The following GOLGB1 variants were observed in gnomAD, a reference collection of about 807,000 sequenced individuals.
The protein encoded by GOLGB1 is golgin B1.
GOLGB1 carries 174 observed loss-of-function variants against 336.9 expected under a neutral mutation model. That is an observed-to-expected ratio of 0.52 (90% CI 0.46 to 0.59). The LOEUF (loss-of-function observed/expected upper bound fraction) is 0.59. Among genes scored for constraint, GOLGB1 ranks in the 20% least tolerant of loss-of-function variants. GOLGB1 has a pLI of 0.00. For missense variants in GOLGB1, 3,331 were observed against 3,645.3 expected (o/e 0.91, Z 2.22); for synonymous variants, 1,208 against 1,289.2 (o/e 0.94, Z 1.35).
intron 15 of GOLGB1, 151 bp from the exon 16 acceptor site, chr3:121,677,601 G>A (rs1012627512): frequency 1.7e-6 from 1 of 585,660 alleles, no homozygotes; most frequent in Non-Finnish European, 3.0e-6. Flanking sequence ...TGGAAAGAGA[G>A]AAAATGTGGG....
intron 3 of GOLGB1, among the ~76,000 whole-genome samples, chr3:121,729,577 ATTTTTTTTAAATTTTTTTTT>A (rs1216783035): frequency 6.6e-6 from 1 of 151,688 alleles, no homozygotes; most frequent in African/African-American, 2.4e-5. Flanking sequence ...TGCCCAGCTA[ATTTTTTTTAAATTTTTTTTT>A]GTGGAGACAG....
intron 1 of GOLGB1, among the ~76,000 whole-genome samples, chr3:121,735,419 A>C (rs1946408136): frequency 6.6e-6 from 1 of 152,218 alleles, no homozygotes; most frequent in Non-Finnish European, 1.5e-5. Flanking sequence ...AGAAACAAAA[A>C]TGGTGTTTTG....
In GOLGB1 at chr3:121,696,752, G is replaced by A. The variant is rs1271987443; in HGVS notation, c.3771C>T (p.Asp1257=). ...ESIDGKLPST[D]QQESCSSTPG... Reference sequence around the variant, plus strand: ...GAGTGGAAGAACACGATTCCTGCTGGTCTGTGCTTGGGAGTTTTCCGTCTA... The same window carrying A: ...GAGTGGAAGAACACGATTCCTGCTGATCTGTGCTTGGGAGTTTTCCGTCTA... Residue 1257 remains aspartate (D), a synonymous_variant, in exon 13 of 22, where the codon GAC becomes GAT. Transcript: ENST00000614479. 4 of 1,613,950 alleles carry A rather than the reference G, an allele frequency of 2.5e-6. No homozygotes were observed. Among genetic ancestry groups the A allele is most frequent in the Non-Finnish European group, 3.4e-6 (4 of 1,179,968 alleles).
rs547801884 is a variant in GOLGB1, at chr3:121,692,256, C to A, written c.7108G>T (p.Ala2370Ser). 3 of 1,606,222 alleles carry A rather than the reference C, an allele frequency of 1.9e-6. No homozygotes were observed. Among genetic ancestry groups the A allele is most frequent in the Non-Finnish European group, 1.7e-6 (2 of 1,177,888 alleles). ...AGCCTACTGGTCAGTTCTCTGGAGG[C>A]CTGAAGATCAGTCTCCAGTTGTTCA... is the stretch of plus-strand genomic sequence containing the variant. ...SYEQLETDLQ[A>S]SRELTSRLHE... Residue 2370 changes from alanine to serine, a missense_variant, in exon 14 of 22, where the codon GCC (alanine) becomes TCC (serine). Ala to Ser is a moderately conservative substitution (Grantham distance 99, BLOSUM62 1). Coordinates refer to ENST00000614479, the MANE Select transcript of GOLGB1 (RefSeq NM_001366282.2).
chr3:121,677,193 G>A, intron 16 of GOLGB1, 92 bp downstream of exon 16: 1 of 1,225,462 alleles, frequency 8.2e-7, no homozygotes, highest in Non-Finnish European at 1.2e-6. Context: ...TGCTTTCTGG[G>A]TAGCGTCTTA....
Position 121,691,345 on chromosome 3 carries a change from T to C in GOLGB1, c.8019A>G (p.Glu2673=). ...CAATTTCACCTACCTTCTTGGCAGC[T>C]TCCTTTTGAACACAAACCAATTCTT... ...LEEELVCVQK[E]AAKKVGEIED... is the part of the protein sequence containing the mutation. Residue 2673 remains glutamate, a synonymous_variant, in exon 14 of 22, where the codon GAA becomes GAG. Coordinates refer to ENST00000614479, the MANE Select transcript of GOLGB1 (RefSeq NM_001366282.2). 1 of 1,612,008 alleles carries C rather than the reference T, an allele frequency of 6.2e-7. No homozygotes were observed. The highest frequency in any genetic ancestry group is 8.5e-7 in the Non-Finnish European group (1 of 1,179,574).
intron 1 of GOLGB1, among the ~76,000 whole-genome samples, chr3:121,742,023 C>A (rs925272000): frequency 3.3e-5 from 5 of 151,980 alleles, no homozygotes; most frequent in African/African-American, 1.2e-4. Context: ...AGAATTACAG[C>A]ACACTGGGCC....
intron 1 of GOLGB1, among the ~76,000 whole-genome samples, chr3:121,742,252 C>T (rs1051886702): frequency 1.4e-4 from 21 of 152,188 alleles, no homozygotes; most frequent in Non-Finnish European, 2.6e-4. Context: ...CAGCATGGTA[C>T]TGGTACCAAA....
In GOLGB1 at chr3:121,687,250, A is replaced by C. The variant is rs544136532; in HGVS notation, c.8694+3420T>G. Among the ~76,000 whole-genome samples, 3 of 152,324 alleles carry C rather than the reference A, an allele frequency of 2.0e-5. No homozygotes were observed. The South Asian group carries it at 6.2e-4, about 32-fold the overall frequency. On this transcript the variant is annotated intron_variant, in intron 14 of 21. Transcript: ENST00000614479. ...GCACTCCAGCCTGGGTGAGAGAGCA[A>C]GACTCCATCTCAAAAAACAAACAAA...
chr3:121,667,711 C>T (rs1016907580), intron 19 of GOLGB1, 101 bp from the exon 20 acceptor site: 1 of 1,029,446 alleles, frequency 9.7e-7, no homozygotes, highest in African/African-American at 1.6e-5. Flanking sequence ...CAAGAAAATC[C>T]ATAGAAGCTT....
intron 20 of GOLGB1, among the ~76,000 whole-genome samples, chr3:121,666,727 T>C (rs1055216337): frequency 2.0e-5 from 3 of 152,196 alleles, no homozygotes; most frequent in African/African-American, 7.2e-5. Context: ...TAGGTGGCTT[T>C]CTCCCAAAAT....
At chr3:121,726,820 T>A in intron 5 of GOLGB1, 93 bp downstream of exon 5, 1 of 858,558 alleles carries the variant, frequency 1.2e-6, no homozygotes, top group Non-Finnish European at 1.8e-6. Context: ...TAAATGCCCA[T>A]TGTGCATCTA....
chr3:121,689,424 T>C (rs1267120197), intron 14 of GOLGB1, among the ~76,000 whole-genome samples: 2 of 151,602 alleles, frequency 1.3e-5, no homozygotes, highest in Admixed American at 1.3e-4. Flanking sequence ...GTGCAAGATG[T>C]GCTTTGTTAA....
chr3:121,682,079 CT>C (rs1226694727), intron 14 of GOLGB1, among the ~76,000 whole-genome samples: 1 of 152,218 alleles, frequency 6.6e-6, no homozygotes, highest in Admixed American at 6.5e-5. Context: ...GCCATCAAGG[CT>C]ACAGGGTGTG....
In GOLGB1 at chr3:121,744,432, C is replaced by T. The variant is rs564763411; in HGVS notation, c.-3+5200G>A. Among the ~76,000 whole-genome samples the T allele has an allele frequency of 7.1e-5, 8 of 112,396 alleles. No homozygotes were observed. The South Asian group carries it at 2.3e-3, about 33-fold the overall frequency. 73.7% of individuals were successfully genotyped at this position (112,396 alleles called of 152,430 possible). ...GACCAGCCTGAGCAACATAGTGAGACTGTCTCTACAAAAAAAAAAAAAAAA... is the reference window on the plus strand; with the variant it reads ...GACCAGCCTGAGCAACATAGTGAGATTGTCTCTACAAAAAAAAAAAAAAAA... On this transcript the variant is annotated intron_variant, in intron 1 of 21. Coordinates refer to ENST00000614479, the MANE Select transcript of GOLGB1 (RefSeq NM_001366282.2).
At chr3:121,730,255 A>G (rs1018787066) in intron 2 of GOLGB1, 15 of 351,304 alleles carry the variant, frequency 4.3e-5, no homozygotes, top group Admixed American at 8.6e-5. Context: ...TAATTTTACC[A>G]AAGAGAAAAA....
At chr3:121,719,501 G>A in intron 7 of GOLGB1, 145 bp downstream of exon 7, 7 of 469,468 alleles carry the variant, frequency 1.5e-5, no homozygotes. Flanking sequence ...TAATTTTTAT[G>A]CAACAGAAGA....
chr3:121,665,002 C>G lies in GOLGB1; in HGVS notation c.9584G>C (p.Arg3195Pro). Residue 3195 changes from arginine (R) to proline (P), a missense_variant, in exon 21 of 22, where the codon CGG becomes CCG. By Grantham distance (103) the Arg-to-Pro change is moderately radical. Coordinates refer to ENST00000614479, the MANE Select transcript of GOLGB1 (RefSeq NM_001366282.2). Reference protein sequence around the residue: ...RLEHSEWDSSRTPIIGSCGTQ... With the variant: ...RLEHSEWDSSPTPIIGSCGTQ... ...GCCACAGGAGCCAATGATAGGAGTCCGGGAAGAGTCCCATTCACTGTGCTC... is the reference window on the plus strand; with the variant it reads ...GCCACAGGAGCCAATGATAGGAGTCGGGGAAGAGTCCCATTCACTGTGCTC... 6.2e-7 allele frequency: 1 copy of G among 1,609,610 alleles called. No homozygotes were observed. The highest frequency in any genetic ancestry group is 8.5e-7 in the Non-Finnish European group (1 of 1,175,924).
chr3:121,734,389 C>CG (rs1553886397), intron 1 of GOLGB1, among the ~76,000 whole-genome samples: 17 of 54,470 alleles, frequency 3.1e-4, no homozygotes, highest in Non-Finnish European at 4.6e-4. Flanking sequence ...GACTCTGTCT[C>CG]GGGAAAAAAA....
Sources: allele counts gnomAD v4.1 joint callset (sites outside exome capture counted in the v4.1 genomes callset), GRCh38; gene constraint gnomAD v4.1.1; transcripts MANE v1.5; gene names NCBI Gene and HGNC (gene_info 2026-07-23, HGNC 2026-07-21).